UGT1A10: variants seen among roughly 807,000 people sequenced by gnomAD.
The protein encoded by UGT1A10 is UDP-glucuronosyltransferase 1A10.
In UGT1A10, 49 loss-of-function variants were observed where a neutral mutation model predicts 45.8. The ratio of observed to expected loss-of-function variants is 1.07; its 90% CI spans 0.85 to 1.36. The LOEUF (loss-of-function observed/expected upper bound fraction) is 1.36, where lower values mean the gene tolerates loss of function less well. Among genes scored for constraint, UGT1A10 ranks in the 40% most tolerant of loss-of-function variants. The pLI is 0.00. For missense variants in UGT1A10, 745 were observed against 668.6 expected, an observed-to-expected ratio of 1.11 and a Z score of -1.26; for synonymous variants, 284 against 249.7, an observed-to-expected ratio of 1.14 and a Z score of -1.29.
chr2:233,660,534 A>G (rs981206394), intron 1 of UGT1A10, among the ~76,000 whole-genome samples: 1 of 152,202 alleles, frequency 6.6e-6, no homozygotes, highest in Admixed American at 6.5e-5. Context: ...TTTCTGTTGT[A>G]CTGGCCTTCT....
chr2:233,719,683 C>T, intron 1 of UGT1A10: 1 of 1,614,076 alleles, frequency 6.2e-7, no homozygotes, highest in South Asian at 1.1e-5. Context: ...AAGCCACTAT[C>T]TCAGGTCTGT....
At chr2:233,747,007 G>C (rs1207556963) in intron 1 of UGT1A10, among the ~76,000 whole-genome samples, 1 of 151,856 alleles carries the variant, frequency 6.6e-6, no homozygotes, top group South Asian at 2.1e-4. Context: ...TTTCAAGTAG[G>C]AGTGATCGGT....
chr2:233,747,481 A>T, intron 1 of UGT1A10: 1 of 1,608,962 alleles, frequency 6.2e-7, no homozygotes, highest in South Asian at 1.1e-5. Flanking sequence ...GATGAATTTG[A>T]TCGCCTTGTG....
intron 1 of UGT1A10, chr2:233,671,736 T>C (rs1559333698): frequency 1.6e-6 from 2 of 1,212,746 alleles, no homozygotes; most frequent in East Asian, 5.3e-5. Flanking sequence ...CTGGAAAACA[T>C]ACAAATAGAT....
intron 1 of UGT1A10, chr2:233,681,788 T>G: frequency 1.4e-6 from 2 of 1,455,446 alleles, no homozygotes; most frequent in Non-Finnish European, 9.1e-7. Context: ...TTATTATGAG[T>G]AAATCATTGG....
At chr2:233,697,927 G>A (rs900659562) in intron 1 of UGT1A10, among the ~76,000 whole-genome samples, 1 of 152,072 alleles carries the variant, frequency 6.6e-6, no homozygotes. Context: ...GAAGTCTAGG[G>A]TATTGGAAAA....
rs34757826 is a variant in UGT1A10, at chr2:233,757,460, G to C, written c.856-9574G>C. 9.5e-3 allele frequency among the ~76,000 whole-genome samples: 1,419 copies of C among 149,430 alleles called. 20 individuals carry two copies. The highest frequency in any genetic ancestry group is 0.033 in the African/African-American group (1,351 of 40,382). On this transcript the variant is annotated intron_variant, in intron 1 of 4. Coordinates refer to ENST00000344644, the MANE Select transcript of UGT1A10 (RefSeq NM_019075.4). ...TTCTATACAGAAACATGTCCAGAGC[G>C]CTTACTGTCTCCAAAACCATGGACT... is the stretch of plus-strand genomic sequence containing the variant.
At chr2:233,637,943 A>G (rs768515264) in intron 1 of UGT1A10, among the ~76,000 whole-genome samples, 4 of 152,186 alleles carry the variant, frequency 2.6e-5, no homozygotes, top group Non-Finnish European at 4.4e-5. Context: ...TTTGGATACA[A>G]TGTAGTTTTT....
rs562393404 is a variant in UGT1A10 at position 233,695,404 on chromosome 2, G to A, written c.855+58027G>A. 3.3e-5 allele frequency among the ~76,000 whole-genome samples: 5 copies of A among 150,554 alleles called. No individual in the cohort carries two copies. The East Asian group carries it at 7.7e-4, about 23-fold the overall frequency. ...CTCCCAAAGTGCTGGGATTACAGGC[G>A]TGAGCTACCGCGCCCGGCCTTCTTC... On this transcript the variant is annotated intron_variant, in intron 1 of 4. Coordinates refer to ENST00000344644, the MANE Select transcript of UGT1A10 (RefSeq NM_019075.4).
intron 1 of UGT1A10, chr2:233,760,227 T>G: frequency 6.3e-7 from 1 of 1,581,154 alleles, no homozygotes; most frequent in Non-Finnish European, 8.5e-7. Flanking sequence ...ATCGATTGGT[T>G]TTTGCCATAT....
intron 1 of UGT1A10, among the ~76,000 whole-genome samples, chr2:233,733,693 C>T (rs2078430243): frequency 6.6e-6 from 1 of 152,134 alleles, no homozygotes; most frequent in Non-Finnish European, 1.5e-5. Flanking sequence ...TGATGTGCTG[C>T]TGGATTTGGT....
At chr2:233,739,662 G>A (rs1426546706) in intron 1 of UGT1A10, among the ~76,000 whole-genome samples, 1 of 152,182 alleles carries the variant, frequency 6.6e-6, no homozygotes, top group African/African-American at 2.4e-5. Context: ...TACCCCCATT[G>A]TGTCTTGGAA....
chr2:233,763,409 T>C (rs1698304893), intron 1 of UGT1A10, among the ~76,000 whole-genome samples: 1 of 152,246 alleles, frequency 6.6e-6, no homozygotes, highest in Admixed American at 6.5e-5. Flanking sequence ...ACTGGTATTT[T>C]TAATCCAGTC....
chr2:233,728,535 G>C (rs1446157301), intron 1 of UGT1A10, among the ~76,000 whole-genome samples: 3 of 152,190 alleles, frequency 2.0e-5, no homozygotes, highest in Admixed American at 6.5e-5. Context: ...CCACTTCAGA[G>C]AGAGTCCTCT....
intron 1 of UGT1A10, among the ~76,000 whole-genome samples, chr2:233,725,356 T>C (rs148228009): frequency 7.0e-6 from 1 of 143,138 alleles, no homozygotes; most frequent in East Asian, 2.0e-4. Context: ...GAATGTTTCT[T>C]ATGAAGACAC....
rs1475606426 is a variant in UGT1A10 at position 233,690,499 on chromosome 2, CAG to C, written c.855+53126_855+53127del. 4 of 1,289,698 alleles carry C rather than the reference CAG, an allele frequency of 3.1e-6. No individual in the cohort carries two copies. The Admixed American group carries it at 9.2e-5, about 30-fold the overall frequency. The allele number at this position is 1,289,698 out of a possible 1,614,324, so 79.9% of individuals were successfully genotyped here. A position where few individuals can be genotyped will look rare whatever the true frequency, so the allele number is the denominator to read the frequency against. ...TTTTTGGGAAATCTGCTCTTGCCAA[CAG>C]AGATTTGTTTTATCTTAGGATCTAC... On this transcript the variant is annotated intron_variant, in intron 1 of 4. Transcript: ENST00000344644.
intron 1 of UGT1A10, among the ~76,000 whole-genome samples, chr2:233,709,199 A>G (rs1321216422): frequency 1.3e-5 from 2 of 152,130 alleles, no homozygotes; most frequent in Non-Finnish European, 2.9e-5. Context: ...GTGGATCCTC[A>G]CCAGAAGTAC....
chr2:233,709,060 T>C (rs1267466061), intron 1 of UGT1A10, among the ~76,000 whole-genome samples: 1 of 151,506 alleles, frequency 6.6e-6, no homozygotes, highest in East Asian at 1.9e-4. Flanking sequence ...GGATTCCTAG[T>C]TAAAGTTCTT....
At chr2:233,698,865 T>A (rs1197364655) in intron 1 of UGT1A10, among the ~76,000 whole-genome samples, 1 of 152,248 alleles carries the variant, frequency 6.6e-6, no homozygotes, top group East Asian at 1.9e-4. Context: ...TTGGTGTGAC[T>A]TTGCGACTTT....
Sources: gnomAD v4.1 joint callset for allele counts (sites outside exome capture counted in the v4.1 genomes callset) on GRCh38, gnomAD v4.1.1 for gene constraint, MANE v1.5 for transcripts, NCBI Gene and HGNC (gene_info 2026-07-23, HGNC 2026-07-21) for gene names.